The following SH3PXD2A variants were observed in gnomAD, a reference collection of about 807,000 sequenced individuals.
The protein encoded by SH3PXD2A is SH3 and PX domain-containing protein 2A.
SH3PXD2A carries 32 observed loss-of-function variants against 115.2 expected under a neutral mutation model. The observed-to-expected ratio is 0.28, with a 90% CI of 0.21 to 0.37. The LOEUF (loss-of-function observed/expected upper bound fraction) is 0.37. Ranked by LOEUF, SH3PXD2A falls within the 10% of genes least tolerant of loss-of-function variation. The pLI, the probability that SH3PXD2A is intolerant of heterozygous loss-of-function variation, is 1.00. For missense variants in SH3PXD2A, 1,328 were observed against 1,498.7 expected (o/e 0.89, Z 1.88); for synonymous variants, 610 against 629.1 (o/e 0.97, Z 0.45).
chr10:103,786,707 A>G (rs1336951713), intron 2 of SH3PXD2A, among the ~76,000 whole-genome samples: 1 of 152,008 alleles, frequency 6.6e-6, no homozygotes, highest in African/African-American at 2.4e-5. Flanking sequence ...AATGGGGGAG[A>G]GTGGTGGTGC....
intron 8 of SH3PXD2A, among the ~76,000 whole-genome samples, chr10:103,648,813 G>A (rs2037075859): frequency 6.6e-6 from 1 of 152,226 alleles, no homozygotes; most frequent in South Asian, 2.1e-4. Context: ...TTTTGTCAGG[G>A]GAGAAAATGC....
At chr10:103,765,425 G>A (rs887591668) in intron 3 of SH3PXD2A, among the ~76,000 whole-genome samples, 1 of 152,228 alleles carries the variant, frequency 6.6e-6, no homozygotes, top group African/African-American at 2.4e-5. Context: ...GTCCTGGGAT[G>A]ATGGAGCAGG....
chr10:103,840,416 C>G (rs2039586150), intron 1 of SH3PXD2A, among the ~76,000 whole-genome samples: 2 of 152,182 alleles, frequency 1.3e-5, no homozygotes, highest in Admixed American at 6.5e-5. Context: ...GTGTCAGGTT[C>G]CAGAAACAAA....
intron 1 of SH3PXD2A, among the ~76,000 whole-genome samples, chr10:103,837,959 C>T (rs962447024): frequency 6.6e-6 from 1 of 152,166 alleles, no homozygotes; most frequent in African/African-American, 2.4e-5. Flanking sequence ...GTTTGAACAG[C>T]CACCGTGAAG....
At chr10:103,640,787 G>A (rs903353010) in intron 8 of SH3PXD2A, among the ~76,000 whole-genome samples, 5 of 152,104 alleles carry the variant, frequency 3.3e-5, no homozygotes, top group South Asian at 2.1e-4. Flanking sequence ...AGGCAGTGTC[G>A]GTCAGAAGGG....
At chr10:103,747,698 G>C (rs1465123349) in intron 3 of SH3PXD2A, among the ~76,000 whole-genome samples, 2 of 152,236 alleles carry the variant, frequency 1.3e-5, no homozygotes, top group African/African-American at 4.8e-5. Context: ...GGAAGCAGAG[G>C]CCTGTCGGTA....
rs149321666 is a variant in SH3PXD2A, at chr10:103,808,548, G to A, written c.73-7186C>T. Among the ~76,000 whole-genome samples, 766 of 152,084 alleles carry A rather than the reference G, an allele frequency of 5.0e-3. 2 individuals carry two copies. The highest frequency in any genetic ancestry group is 0.015 in the African/African-American group (609 of 41,482). On this transcript the variant is annotated intron_variant, in intron 1 of 14. Coordinates refer to ENST00000369774, the MANE Select transcript of SH3PXD2A (RefSeq NM_001394015.1). ...TTACAGATGCGAGCTACCATGCCTG[G>A]CCTAAAGACCCCTCTTGACATGGCT...
chr10:103,816,080 G>A (rs1461807382), intron 1 of SH3PXD2A, among the ~76,000 whole-genome samples: 1 of 152,094 alleles, frequency 6.6e-6, no homozygotes, highest in Non-Finnish European at 1.5e-5. Context: ...CTAAGGTACA[G>A]CCTGAGGACT....
At chr10:103,621,940 C>T (rs2036611371) in intron 10 of SH3PXD2A, among the ~76,000 whole-genome samples, 1 of 152,218 alleles carries the variant, frequency 6.6e-6, no homozygotes, top group Non-Finnish European at 1.5e-5. Context: ...CTGGGTCTGG[C>T]TTTGCTCCCT....
intron 5 of SH3PXD2A, among the ~76,000 whole-genome samples, chr10:103,696,799 C>T (rs571512015): frequency 7.9e-5 from 12 of 152,326 alleles, no homozygotes; most frequent in African/African-American, 2.9e-4. Flanking sequence ...TTCTCTGCAG[C>T]TGGTCCAGGG....
intron 8 of SH3PXD2A, among the ~76,000 whole-genome samples, chr10:103,654,168 C>G (rs146351148): frequency 6.6e-6 from 1 of 152,194 alleles, no homozygotes; most frequent in Non-Finnish European, 1.5e-5. Context: ...TGAAAGCCCC[C>G]AATCCCATGA....
At chr10:103,744,927 C>T (rs913444508) in intron 3 of SH3PXD2A, among the ~76,000 whole-genome samples, 11 of 152,202 alleles carry the variant, frequency 7.2e-5, no homozygotes, top group South Asian at 2.1e-4. Flanking sequence ...GCCCGATTTT[C>T]TTTTGGGAAA....
rs191147170 is a variant in SH3PXD2A, at chr10:103,746,588, C to G, written c.230-10780G>C. Among the ~76,000 whole-genome samples, 1 of 152,178 alleles carries G rather than the reference C, an allele frequency of 6.6e-6. No homozygotes were observed. The highest frequency in any genetic ancestry group is 2.4e-5 in the African/African-American group (1 of 41,434). On this transcript the variant is annotated intron_variant, in intron 3 of 14. Coordinates refer to ENST00000369774, the MANE Select transcript of SH3PXD2A (RefSeq NM_001394015.1). This position sits in a 1 kb window ranked among gnomAD's most constrained non-coding sequence, Gnocchi z 4.4. ...CCTCCCAGAGTACTGGGATTACAGA[C>G]GTGAGCCACTGCGCCTGGCCTCAGA...
chr10:103,640,267 A>G (rs1327192047), intron 8 of SH3PXD2A, among the ~76,000 whole-genome samples: 7 of 152,000 alleles, frequency 4.6e-5, no homozygotes, highest in African/African-American at 7.3e-5. Context: ...GTGAGCCAAG[A>G]TCGCACCACT....
chr10:103,750,921 C>T (rs1162650904), intron 3 of SH3PXD2A, among the ~76,000 whole-genome samples: 1 of 152,214 alleles, frequency 6.6e-6, no homozygotes, highest in Non-Finnish European at 1.5e-5. Context: ...CAATGAGGGC[C>T]TAATGCTAAG....
intron 5 of SH3PXD2A, chr10:103,693,640 GTC>G (rs2037788673): frequency 6.6e-6 from 1 of 152,282 alleles, no homozygotes; most frequent in Non-Finnish European, 1.5e-5. Context: ...TTTGATTAAA[GTC>G]TGCCCCTGTC....
At chr10:103,800,228 T>C (rs77047003) in intron 2 of SH3PXD2A, among the ~76,000 whole-genome samples, 3,386 of 152,210 alleles carry the variant, frequency 0.022, 119 homozygotes, top group African/African-American at 0.077. Flanking sequence ...AGTACTTGCC[T>C]GTGATCCGCA....
intron 5 of SH3PXD2A, among the ~76,000 whole-genome samples, chr10:103,718,008 CTTT>C (rs34054940): frequency 7.0e-6 from 1 of 143,520 alleles, no homozygotes; most frequent in Non-Finnish European, 1.5e-5. Flanking sequence ...TTCCATGTGT[CTTT>C]TTTTTTTTTT....
chr10:103,664,670 CT>C (rs34460765), intron 7 of SH3PXD2A, among the ~76,000 whole-genome samples: 37 of 141,986 alleles, frequency 2.6e-4, no homozygotes, highest in Middle Eastern at 3.7e-3. Flanking sequence ...CTTTCTCTCT[CT>C]TTTTTTTTTT....
Sources: gnomAD v4.1 joint callset for allele counts (sites outside exome capture counted in the v4.1 genomes callset) on GRCh38, gnomAD v4.1.1 for gene constraint, Gnocchi (gnomAD v3.1) non-coding constraint, MANE v1.5 for transcripts, NCBI Gene and HGNC (gene_info 2026-07-23, HGNC 2026-07-21) for gene names.